The following AFG2A variants were observed in gnomAD, a reference collection of about 807,000 sequenced individuals.
AFG2A encodes the protein ATPase family gene 2 protein homolog A.
chr4:123,039,766 T>A, the AFG2A span, among the ~76,000 whole-genome samples: 2 of 151,942 alleles, frequency 1.3e-5, no homozygotes, highest in African/African-American at 4.8e-5. Flanking sequence ...TTATGCAGAA[T>A]GATCTTAATC....
chr4:123,273,432 A>G, the AFG2A span, among the ~76,000 whole-genome samples: 2 of 152,158 alleles, frequency 1.3e-5, no homozygotes, highest in Admixed American at 6.6e-5. Flanking sequence ...ATGATTCACT[A>G]TATAAAATTG....
the AFG2A span, among the ~76,000 whole-genome samples, chr4:123,120,933 A>C: frequency 6.6e-6 from 1 of 152,164 alleles, no homozygotes; most frequent in Non-Finnish European, 1.5e-5. Context: ...CAGGTCCTAC[A>C]GGGGATATTC....
At chr4:123,130,449 C>A in the AFG2A span, among the ~76,000 whole-genome samples, 1 of 152,234 alleles carries the variant, frequency 6.6e-6, no homozygotes, top group Non-Finnish European at 1.5e-5. Context: ...CCACCACTGA[C>A]CCCTGGCAAC....
At chr4:123,187,115 G>A in the AFG2A span, among the ~76,000 whole-genome samples, 120,875 of 152,174 alleles carry the variant, frequency 0.79, 48,706 homozygotes, top group Non-Finnish European at 0.85. Context: ...TTGTAAATAA[G>A]ATAGGTAGCA....
chr4:123,297,233 C>T, the AFG2A span, among the ~76,000 whole-genome samples: 776 of 152,294 alleles, frequency 5.1e-3, 8 homozygotes, highest in African/African-American at 0.018. Context: ...TGACCATAAT[C>T]CATACTGGAA....
At chr4:123,250,547 T>C in the AFG2A span, among the ~76,000 whole-genome samples, 118,287 of 151,986 alleles carry the variant, frequency 0.78, 46,809 homozygotes, top group Non-Finnish European at 0.85. Flanking sequence ...GAGTATTTTT[T>C]GTATGTATAG....
chr4:123,259,874 G>A, the AFG2A span: 2 of 152,208 alleles, frequency 1.3e-5, no homozygotes, highest in Non-Finnish European at 2.9e-5. Flanking sequence ...AGAATTTGCT[G>A]ACATAGGCCA....
the AFG2A span, among the ~76,000 whole-genome samples, chr4:123,069,457 C>T: frequency 6.6e-6 from 1 of 152,094 alleles, no homozygotes; most frequent in Non-Finnish European, 1.5e-5. Context: ...GCACCCTCTT[C>T]CCAAACAAAA....
the AFG2A span, among the ~76,000 whole-genome samples, chr4:123,219,695 T>C: frequency 1.3e-5 from 2 of 152,194 alleles, no homozygotes; most frequent in Non-Finnish European, 2.9e-5. Flanking sequence ...GGAAATATAT[T>C]TAATCTATTT....
At chr4:123,266,961 C>T in the AFG2A span, among the ~76,000 whole-genome samples, 1 of 151,902 alleles carries the variant, frequency 6.6e-6, no homozygotes, top group South Asian at 2.1e-4. Flanking sequence ...TAGGATTGGA[C>T]CCCAGTGTTT....
chr4:123,016,443 G>A, the AFG2A span, among the ~76,000 whole-genome samples: 7 of 151,514 alleles, frequency 4.6e-5, no homozygotes, highest in South Asian at 4.2e-4. Context: ...CCTCCCAGAC[G>A]GGGTCGCGGC....
the AFG2A span, among the ~76,000 whole-genome samples, chr4:123,047,475 GAATAGGTAATTTGCT>G: frequency 1.3e-5 from 2 of 151,976 alleles, no homozygotes; most frequent in South Asian, 4.1e-4. Context: ...TTTCTTTGCT[GAATAGGTAATTTGCT>G]AATATTTTCT....
At chr4:123,102,798 CTGTGTGTGTGTGTG>C in the AFG2A span, among the ~76,000 whole-genome samples, 25 of 141,224 alleles carry the variant, frequency 1.8e-4, no homozygotes, top group East Asian at 1.3e-3. Flanking sequence ...TCCTGGCATT[CTGTGTGTGTGTGTG>C]TGTGTGTGTG....
chr4:123,136,628 C>T, the AFG2A span, among the ~76,000 whole-genome samples: 2 of 151,428 alleles, frequency 1.3e-5, no homozygotes, highest in African/African-American at 4.9e-5. Flanking sequence ...GAGCCGAGAT[C>T]GCACCACTGC....
chr4:122,967,817 A>G, the AFG2A span, among the ~76,000 whole-genome samples: 1 of 152,036 alleles, frequency 6.6e-6, no homozygotes, highest in African/African-American at 2.4e-5. Context: ...AACCTTTTTT[A>G]TGGATTTATT....
the AFG2A span, among the ~76,000 whole-genome samples, chr4:123,278,658 G>T: frequency 6.6e-6 from 1 of 152,162 alleles, no homozygotes; most frequent in East Asian, 1.9e-4. Flanking sequence ...TTGTATCTTT[G>T]TTCTCATTAG....
the AFG2A span, among the ~76,000 whole-genome samples, chr4:123,012,875 C>T: frequency 6.6e-6 from 1 of 151,980 alleles, no homozygotes; most frequent in Admixed American, 6.6e-5. Flanking sequence ...GGATCTTTCT[C>T]ATGGAGCAAA....
the AFG2A span, among the ~76,000 whole-genome samples, chr4:123,290,616 A>G: frequency 6.6e-6 from 1 of 152,340 alleles, no homozygotes; most frequent in Non-Finnish European, 1.5e-5. Context: ...AGGCCTCACA[A>G]TCATGGTGGA....
chr4:123,316,938 T>G, the AFG2A span: 6 of 152,170 alleles, frequency 3.9e-5, no homozygotes, highest in Non-Finnish European at 7.3e-5. Flanking sequence ...AAAAGAGGCC[T>G]CTCTGGGCTG....
Sources: allele counts gnomAD v4.1 joint callset (sites outside exome capture counted in the v4.1 genomes callset), GRCh38; gene constraint gnomAD v4.1.1; transcripts MANE v1.5; gene names NCBI Gene and HGNC (gene_info 2026-07-23, HGNC 2026-07-21).